The following C10orf143 variants were observed in gnomAD, a reference collection of about 807,000 sequenced individuals.
C10orf143 encodes chromosome 10 open reading frame 143.
At chr10:130,054,267 C>A (rs142331243) in intron 3 of C10orf143, among the ~76,000 whole-genome samples, 1 of 152,318 alleles carries the variant, frequency 6.6e-6, no homozygotes, top group East Asian at 1.9e-4. Flanking sequence ...AAGTGAATCA[C>A]ACAGTATGTT....
chr10:130,058,035 G>T (rs1860814566), intron 3 of C10orf143, among the ~76,000 whole-genome samples: 1 of 152,200 alleles, frequency 6.6e-6, no homozygotes, highest in Non-Finnish European at 1.5e-5. Flanking sequence ...TAGAGCCAGG[G>T]AATTGTCTGC....
At chr10:130,102,274 ATTC>A (rs67170895) in intron 1 of C10orf143, among the ~76,000 whole-genome samples, 96,123 of 151,634 alleles carry the variant, frequency 0.63, 30,713 homozygotes, top group Admixed American at 0.72. Context: ...GCGGTTTGAT[ATTC>A]GTTTATTATT....
chr10:130,074,079 T>C (rs1861075210), intron 3 of C10orf143, among the ~76,000 whole-genome samples: 1 of 151,972 alleles, frequency 6.6e-6, no homozygotes, highest in African/African-American at 2.4e-5. Context: ...TCTCATAGGG[T>C]GTTCGAGCCT....
intron 3 of C10orf143, among the ~76,000 whole-genome samples, chr10:130,049,567 T>A (rs1407864939): frequency 6.6e-6 from 1 of 152,118 alleles, no homozygotes; most frequent in African/African-American, 2.4e-5. Context: ...GGCAGGGGCT[T>A]GGGGACCGGA....
At chr10:130,044,039 G>A (rs960293016) in intron 3 of C10orf143, among the ~76,000 whole-genome samples, 6 of 152,048 alleles carry the variant, frequency 3.9e-5, no homozygotes, top group Non-Finnish European at 8.8e-5. Context: ...GGGAGAGGGA[G>A]GAAGGGAGAG....
At chr10:130,060,822 C>CAAA (rs11312813), downstream of C10orf143, among the ~76,000 whole-genome samples, 3 of 53,352 alleles carry the variant, frequency 5.6e-5, no homozygotes, top group Admixed American at 2.3e-4. Flanking sequence ...GACTCCGTCT[C>CAAA]AAAAAAAAAA....
intron 1 of C10orf143, among the ~76,000 whole-genome samples, chr10:130,108,969 C>G (rs2134826889): frequency 6.6e-6 from 1 of 152,336 alleles, no homozygotes; most frequent in Admixed American, 6.5e-5. Flanking sequence ...CCACTCTTCT[C>G]TCAAGGAGCA....
intron 1 of C10orf143, among the ~76,000 whole-genome samples, chr10:130,102,062 G>GT (rs1241272775): frequency 1.3e-5 from 2 of 151,900 alleles, no homozygotes; most frequent in African/African-American, 4.8e-5. Context: ...GAGCCCAGGA[G>GT]TTTGAGACCA....
chr10:130,107,027 G>A (rs1223899956), intron 1 of C10orf143: 2 of 1,255,890 alleles, frequency 1.6e-6, no homozygotes, highest in Non-Finnish European at 2.3e-6. Context: ...AAAAACCTTA[G>A]AAGGAGAAAG....
At chr10:130,095,624 C>G (rs1002014199) in intron 1 of C10orf143, among the ~76,000 whole-genome samples, 1 of 152,126 alleles carries the variant, frequency 6.6e-6, no homozygotes, top group Non-Finnish European at 1.5e-5. Flanking sequence ...ACAGGGGCCT[C>G]AGAAATAACG....
chr10:130,106,717 GCT>G (rs769180339), intron 1 of C10orf143: 12 of 1,256,008 alleles, frequency 9.6e-6, no homozygotes, highest in Non-Finnish European at 1.2e-5. Flanking sequence ...GCCAGAAACA[GCT>G]TTTGCAAGAA....
At chr10:130,108,362 C>A in intron 1 of C10orf143, 1 of 1,242,796 alleles carries the variant, frequency 8.0e-7, no homozygotes, top group Non-Finnish European at 1.2e-6. Context: ...CCGACCCCCA[C>A]ATTCTGAAGG....
In C10orf143 at chr10:130,056,197, T is replaced by A. The variant is rs1299721641; in HGVS notation, c.298-20227A>T. Among the ~76,000 whole-genome samples the A allele has an allele frequency of 6.6e-6, 1 of 152,184 alleles. No homozygotes were observed. The highest frequency in any genetic ancestry group is 1.5e-5 in the Non-Finnish European group (1 of 68,038). ...TGATTTAGGGCTGAAAACATCACCG[T>A]GTATTTAGTAAATGTGCAATTAACC... On this transcript the variant is annotated intron_variant and NMD_transcript_variant, in intron 3 of 5. Transcript: ENST00000643056. The surrounding 1 kb of genome is among the most constrained non-coding windows in gnomAD (Gnocchi z 4.6).
intron 1 of C10orf143, among the ~76,000 whole-genome samples, chr10:130,082,615 G>A (rs576434843): frequency 1.3e-5 from 2 of 152,138 alleles, no homozygotes; most frequent in Admixed American, 6.5e-5. Context: ...CACGTAAGAC[G>A]TGCCATTCAC....
chr10:130,090,912 C>A (rs1002929378), intron 1 of C10orf143, among the ~76,000 whole-genome samples: 1 of 152,204 alleles, frequency 6.6e-6, no homozygotes, highest in African/African-American at 2.4e-5. Context: ...AAGGCAGCAG[C>A]GCCAGTCAGG....
Position 130,052,422 on chromosome 10 carries a change from CACCAAGCACAG to C in C10orf143, c.298-16463_298-16453del, listed in dbSNP as rs373834027. 1.7e-3 allele frequency among the ~76,000 whole-genome samples: 266 copies of C among 152,214 alleles called. 1 individual carries two copies. Among genetic ancestry groups the C allele is most frequent in the African/African-American group, 6.1e-3 (255 of 41,536 alleles). On this transcript the variant is annotated intron_variant and NMD_transcript_variant, in intron 3 of 5. Transcript: ENST00000643056. ...AGAAGGTAGCCATGGGAGCCGGGAGCACCAAGCACAGTCCCCCACACCCAGAAGCATCCCCG... is the reference window on the plus strand; with the variant it reads ...AGAAGGTAGCCATGGGAGCCGGGAGCTCCCCCACACCCAGAAGCATCCCCG...
At position 130,108,342 on chromosome 10, in the gene C10orf143, G is replaced by A. The variant is rs756172622; in HGVS notation, c.69+2362C>T. The A allele has an allele frequency of 2.1e-6, 3 of 1,427,848 alleles. No homozygotes were observed. In the South Asian group the frequency reaches 3.4e-5, roughly 16 times the overall value. The allele number at this position is 1,427,848 out of a possible 1,614,324, so 88.4% of individuals were successfully genotyped here. A position where few individuals can be genotyped will look rare whatever the true frequency, so the allele number is the denominator to read the frequency against. ...CCTCCTTACCCTCCCCCAAGACCTG[G>A]ATTTTTCCCCCGACCCCCACATTCT... On this transcript the variant is annotated intron_variant, in intron 1 of 3. Coordinates refer to ENST00000637128, the MANE Select transcript of C10orf143 (RefSeq NM_001355042.2).
downstream of C10orf143, among the ~76,000 whole-genome samples, chr10:130,060,138 T>C (rs559741373): frequency 6.6e-6 from 1 of 152,250 alleles, no homozygotes; most frequent in South Asian, 2.1e-4. Context: ...TCCTGTTTGT[T>C]TGTCCTGCCT....
intron 1 of C10orf143, among the ~76,000 whole-genome samples, chr10:130,082,693 T>C (rs146527523): frequency 1.3e-5 from 2 of 152,308 alleles, no homozygotes; most frequent in East Asian, 3.9e-4. Flanking sequence ...TCTTTTTCTT[T>C]ATAAATTACC....
Sources: allele counts gnomAD v4.1 joint callset (sites outside exome capture counted in the v4.1 genomes callset), GRCh38; gene constraint gnomAD v4.1.1; non-coding constraint Gnocchi (gnomAD v3.1); transcripts MANE v1.5; gene names NCBI Gene and HGNC (gene_info 2026-07-23, HGNC 2026-07-21).